OPCML: variants seen among roughly 807,000 people sequenced by gnomAD.
The protein encoded by OPCML is opioid binding protein/cell adhesion molecule like, also known as opioid-binding protein/cell adhesion molecule.
A neutral mutation model predicts 37.8 loss-of-function variants in OPCML; 13 were observed. The observed-to-expected ratio is 0.34, with a 90% CI of 0.22 to 0.55. OPCML has a LOEUF of 0.55. Ranked by LOEUF, OPCML falls within the 20% of genes least tolerant of loss-of-function variation. The probability of loss-of-function intolerance (pLI) is 0.91; values close to 1 mark genes in which losing one functional copy is unlikely to be tolerated. For missense variants in OPCML, 341 were observed against 435.6 expected (o/e 0.78, Z 1.93); for synonymous variants, 176 against 168.8 (o/e 1.04, Z -0.33).
In OPCML at chr11:132,420,165, C is replaced by A. The variant is rs373378792; in HGVS notation, c.*28G>T. 6.6e-5 allele frequency: 106 copies of A among 1,596,390 alleles called. 1 individual carries two copies. Among genetic ancestry groups the A allele is most frequent in the Non-Finnish European group, 8.5e-5 (99 of 1,164,582 alleles). On this transcript the variant is annotated 3_prime_UTR_variant, in exon 8 of 8. Transcript: ENST00000524381. Reference sequence around the variant, plus strand: ...AAAGTCTGTGATATGGAGAAGCAGGCGTTGCTCAGAGGACCTAGGATTTCT... The same window carrying A: ...AAAGTCTGTGATATGGAGAAGCAGGAGTTGCTCAGAGGACCTAGGATTTCT...
intron 2 of OPCML, among the ~76,000 whole-genome samples, chr11:132,873,664 T>G (rs1382314801): frequency 7.0e-6 from 1 of 143,552 alleles, no homozygotes; most frequent in Non-Finnish European, 1.5e-5. Context: ...TGACAAGTTG[T>G]ATAAAGAGAC....
At chr11:133,142,415 T>C (rs964219761) in intron 1 of OPCML, among the ~76,000 whole-genome samples, 34 of 152,220 alleles carry the variant, frequency 2.2e-4, no homozygotes, top group African/African-American at 8.0e-4. Context: ...AGCTTCACAC[T>C]GGAGCCTAAA....
Position 133,316,594 on chromosome 11 carries a change from A to G in OPCML, c.61+215670T>C, listed in dbSNP as rs1009671129. On this transcript the variant is annotated intron_variant, in intron 1 of 7. Transcript: ENST00000524381. ...ATGTATACCTATGTAACAAACCTGC[A>G]CATTCTGCACATGTATTCCAGAACT... is the stretch of plus-strand genomic sequence containing the variant. 6.2e-4 allele frequency among the ~76,000 whole-genome samples: 95 copies of G among 152,186 alleles called. 2 individuals are homozygous for G. Among genetic ancestry groups the G allele is most frequent in the Non-Finnish European group, 8.8e-5 (6 of 68,036 alleles).
At chr11:133,500,597 G>C (rs1947889854) in intron 1 of OPCML, among the ~76,000 whole-genome samples, 1 of 152,186 alleles carries the variant, frequency 6.6e-6, no homozygotes, top group South Asian at 2.1e-4. Context: ...CTCCCATTAA[G>C]GGACCAGGAG....
intron 1 of OPCML, chr11:133,026,670 A>C (rs1052993454): frequency 1.1e-5 from 8 of 758,408 alleles, no homozygotes; most frequent in Non-Finnish European, 1.3e-5. Context: ...GGATTCCTAC[A>C]GCTCTTACGA....
At chr11:132,614,336 C>T (rs942982254) in intron 3 of OPCML, among the ~76,000 whole-genome samples, 6 of 152,114 alleles carry the variant, frequency 3.9e-5, no homozygotes, top group Admixed American at 1.3e-4. Flanking sequence ...AAAATCATAC[C>T]GTTTTTAAAT....
chr11:133,321,719 T>C (rs900123131), intron 1 of OPCML, among the ~76,000 whole-genome samples: 3 of 152,218 alleles, frequency 2.0e-5, no homozygotes, highest in Admixed American at 1.3e-4. Context: ...ACATTAGCTA[T>C]TGACCCTACT....
At chr11:132,706,038 C>T (rs752910600) in intron 2 of OPCML, among the ~76,000 whole-genome samples, 2 of 151,990 alleles carry the variant, frequency 1.3e-5, no homozygotes, top group Non-Finnish European at 2.9e-5. Context: ...AAACTCCTGA[C>T]CTCATGATCC....
intron 2 of OPCML, among the ~76,000 whole-genome samples, chr11:132,715,109 A>G (rs1020803220): frequency 6.6e-6 from 1 of 152,146 alleles, no homozygotes; most frequent in Non-Finnish European, 1.5e-5. Flanking sequence ...CTGTGACTCC[A>G]CTGCTCCTCA....
chr11:132,727,122 G>T (rs1172344639), intron 2 of OPCML, among the ~76,000 whole-genome samples: 5 of 152,066 alleles, frequency 3.3e-5, no homozygotes, highest in East Asian at 1.9e-4. Context: ...CTATATATAC[G>T]CATCAATCAA....
chr11:132,492,165 G>T (rs965472686), intron 4 of OPCML, among the ~76,000 whole-genome samples: 24 of 151,986 alleles, frequency 1.6e-4, no homozygotes, highest in Non-Finnish European at 3.1e-4. Context: ...CAATGGCCAG[G>T]ACACATGGGG....
At chr11:133,091,270 G>C (rs1948901454) in intron 1 of OPCML, among the ~76,000 whole-genome samples, 1 of 152,184 alleles carries the variant, frequency 6.6e-6, no homozygotes, top group Admixed American at 6.5e-5. Context: ...TTCAAAAGAT[G>C]CCTCAGAGAG....
intron 2 of OPCML, among the ~76,000 whole-genome samples, chr11:132,910,661 C>G (rs550502050): frequency 4.6e-5 from 7 of 152,282 alleles, no homozygotes; most frequent in Non-Finnish European, 1.0e-4. Flanking sequence ...TTTCTTCTTA[C>G]AAGTATTTCC....
Position 133,325,080 on chromosome 11 carries a change from C to T in OPCML, c.61+207184G>A, listed in dbSNP as rs375957390. 4.6e-5 allele frequency among the ~76,000 whole-genome samples: 7 copies of T among 152,230 alleles called. No homozygotes were observed. The East Asian group carries it at 7.7e-4, about 17-fold the overall frequency. On this transcript the variant is annotated intron_variant, in intron 1 of 7. Coordinates refer to ENST00000524381, the MANE Select transcript of OPCML (RefSeq NM_001012393.5). ...GTCCTCCTGGAGAGGGGAGGGGAGA[C>T]GAAGGTCTTGGCCTCAGTCCTTGGC... is the stretch of plus-strand genomic sequence containing the variant.
At chr11:133,348,001 A>T (rs1944040681) in intron 1 of OPCML, among the ~76,000 whole-genome samples, 1 of 152,102 alleles carries the variant, frequency 6.6e-6, no homozygotes, top group Non-Finnish European at 1.5e-5. Flanking sequence ...TATACCAAAA[A>T]ATGCTACCCT....
intron 1 of OPCML, among the ~76,000 whole-genome samples, chr11:133,198,304 C>T (rs952264954): frequency 2.0e-5 from 3 of 152,252 alleles, no homozygotes; most frequent in African/African-American, 7.2e-5. Context: ...AGTTTTCTCA[C>T]AGTTCTGAGT....
At chr11:132,679,910 G>A (rs996234304) in intron 2 of OPCML, among the ~76,000 whole-genome samples, 2 of 152,204 alleles carry the variant, frequency 1.3e-5, no homozygotes, top group Non-Finnish European at 2.9e-5. Context: ...GGAACTGTTT[G>A]TTGGAGACAG....
intron 2 of OPCML, among the ~76,000 whole-genome samples, chr11:132,721,949 C>CT (rs1944684673): frequency 4.8e-5 from 6 of 123,920 alleles, no homozygotes; most frequent in Non-Finnish European, 9.7e-5. Flanking sequence ...TCTTTCCTTC[C>CT]CTTTTTTTTT....
chr11:133,223,408 T>G (rs936999425), intron 1 of OPCML, among the ~76,000 whole-genome samples: 3 of 152,146 alleles, frequency 2.0e-5, no homozygotes, highest in Non-Finnish European at 4.4e-5. Flanking sequence ...GCAGGTGCCG[T>G]GTTTTGTTTT....
Sources: allele counts gnomAD v4.1 joint callset (sites outside exome capture counted in the v4.1 genomes callset), GRCh38; gene constraint gnomAD v4.1.1; transcripts MANE v1.5; gene names NCBI Gene and HGNC (gene_info 2026-07-23, HGNC 2026-07-21).